Variants in UGT2A1 observed in about 807,000 individuals in gnomAD.
UGT2A1 encodes UDP glucuronosyltransferase family 2 member A1 complex locus, also known as UDP-glucuronosyltransferase 2A1.
Under a neutral mutation model 45.4 loss-of-function variants are expected in UGT2A1, and 61 were observed. The ratio of observed to expected loss-of-function variants is 1.34; its 90% CI spans 1.09 to 1.66. The LOEUF (loss-of-function observed/expected upper bound fraction) is 1.66, where lower values mean the gene tolerates loss of function less well. UGT2A1 is among the 40% of genes most tolerant of loss of function. The pLI, the probability that UGT2A1 is intolerant of heterozygous loss-of-function variation, is 0.00. For missense variants in UGT2A1, 649 were observed against 574.3 expected (o/e 1.13, Z -1.33); for synonymous variants, 229 against 196.2 (o/e 1.17, Z -1.40).
rs1297303633 is a variant in UGT2A1 at position 69,641,696 on chromosome 4, T to C, written c.715+5234A>G. Among the ~76,000 whole-genome samples, 3 of 151,754 alleles carry C rather than the reference T, an allele frequency of 2.0e-5. No individual in the cohort carries two copies. In the East Asian group the frequency reaches 5.8e-4, roughly 29 times the overall value. On this transcript the variant is annotated intron_variant, in intron 2 of 6. Coordinates refer to ENST00000286604, the MANE Select transcript of UGT2A1 (RefSeq NM_001252275.3). ...TAGCACTTTGCTTTTTACCTCAGAG[T>C]GGAGTCTGATATTAAATGATTCACC...
At chr4:69,611,866 C>T (rs1212782830) in intron 3 of UGT2A1, among the ~76,000 whole-genome samples, 1 of 152,032 alleles carries the variant, frequency 6.6e-6, no homozygotes, top group Non-Finnish European at 1.5e-5. Flanking sequence ...CCTAGTTTCC[C>T]TCATTACACA....
chr4:69,628,989 G>A (rs933539936), intron 3 of UGT2A1, among the ~76,000 whole-genome samples: 1 of 151,646 alleles, frequency 6.6e-6, no homozygotes, highest in Admixed American at 6.6e-5. Flanking sequence ...AAAGAGAAAG[G>A]GAGCCAGGTG....
chr4:69,622,045 T>C lies in UGT2A1; in HGVS notation c.847+13646A>G, dbSNP rs185961933. On this transcript the variant is annotated intron_variant, in intron 3 of 6. Transcript: ENST00000286604. ...GAAGGAGGAAGAGGAAGAGAAAATA[T>C]AACTATTGAGTACTAGGCTTAATAC... Among the ~76,000 whole-genome samples, 290 of 151,856 alleles carry C rather than the reference T, an allele frequency of 1.9e-3. 2 individuals carry two copies. Among genetic ancestry groups the C allele is most frequent in the Middle Eastern group, 6.8e-3 (2 of 292 alleles).
intron 1 of UGT2A1, among the ~76,000 whole-genome samples, chr4:69,651,370 TA>T (rs1722517527): frequency 6.6e-6 from 1 of 152,100 alleles, no homozygotes; most frequent in Non-Finnish European, 1.5e-5. Flanking sequence ...AAATATGTCA[TA>T]AATATATACC....
intron 6 of UGT2A1, among the ~76,000 whole-genome samples, chr4:69,593,769 T>C (rs1718722840): frequency 6.6e-6 from 1 of 151,860 alleles, no homozygotes; most frequent in South Asian, 2.1e-4. Context: ...GAATGGTATA[T>C]ACTCAGTGTG....
At chr4:69,624,924 A>T (rs1720956606) in intron 3 of UGT2A1, among the ~76,000 whole-genome samples, 3 of 151,230 alleles carry the variant, frequency 2.0e-5, no homozygotes, top group Admixed American at 2.0e-4. Flanking sequence ...TTTACTAGAG[A>T]TCATTTTTCT....
At chr4:69,623,400 A>G (rs545738325) in intron 3 of UGT2A1, among the ~76,000 whole-genome samples, 2 of 151,912 alleles carry the variant, frequency 1.3e-5, no homozygotes, top group South Asian at 4.2e-4. Flanking sequence ...GTAACACCAC[A>G]AAGGCAGTGG....
In UGT2A1 at chr4:69,647,362, G is replaced by C; in HGVS notation, c.283C>G (p.Leu95Val). ...GTTGAAGGAGATGGTCTATTTTCCA[G>C]CCATGTCAAAACGAAGTCCTTAATT... is the stretch of plus-strand genomic sequence containing the variant. ...GVIKDFVLTW[L>V]ENRPSPSTIW... Residue 95 changes from leucine (L) to valine (V), a missense_variant, in exon 2 of 7, where the codon CTG becomes GTG. Leu to Val is a conservative substitution (Grantham distance 32). Transcript: ENST00000286604. The C allele has an allele frequency of 1.9e-6, 3 of 1,613,244 alleles. No individual in the cohort carries two copies. The highest frequency in any genetic ancestry group is 2.5e-6 in the Non-Finnish European group (3 of 1,179,502).
rs765505129 is a variant in UGT2A1 at position 69,647,454 on chromosome 4, G to A, written c.191C>T (p.Thr64Ile). Reference sequence around the variant, plus strand: ...TTCAAATGTCAGAGATGGGTTAGAGGTTGGTGTGATGAAAAGTGCACCAGA... The same window carrying A: ...TTCAAATGTCAGAGATGGGTTAGAGATTGGTGTGATGAAAAGTGCACCAGA... ...VASGALFITP[T>I]SNPSLTFEIY... Residue 64 changes from threonine (T) to isoleucine (I), a missense_variant, in exon 2 of 7, where the codon ACC (threonine) becomes ATC (isoleucine). By Grantham distance (89) the Thr-to-Ile change is moderately conservative (BLOSUM62 -1). Coordinates refer to ENST00000286604, the MANE Select transcript of UGT2A1 (RefSeq NM_001252275.3). The A allele has an allele frequency of 6.8e-6, 11 of 1,613,080 alleles. No individual in the cohort carries two copies. In the Admixed American group the frequency reaches 1.7e-4, roughly 24 times the overall value.
chr4:69,638,218 A>G (rs1721827598), intron 2 of UGT2A1, among the ~76,000 whole-genome samples: 1 of 152,166 alleles, frequency 6.6e-6, no homozygotes, highest in African/African-American at 2.4e-5. Flanking sequence ...AATCATCAAG[A>G]GAGAAGGAAA....
intron 4 of UGT2A1, among the ~76,000 whole-genome samples, chr4:69,598,075 A>G (rs577959916): frequency 6.6e-6 from 1 of 152,288 alleles, no homozygotes. Context: ...ACCTATGGAT[A>G]CGTCATGAAT....
intron 1 of UGT2A1, 70 bp downstream of exon 1, chr4:69,653,118 A>G (rs1261085339): frequency 6.6e-6 from 1 of 152,248 alleles, no homozygotes; most frequent in Non-Finnish European, 1.5e-5. Context: ...TATTTCTTTA[A>G]GAAGAGAATG....
chr4:69,609,685 C>CACCTAT lies in UGT2A1; in HGVS notation c.848-10297_848-10292dup, dbSNP rs61115115. On this transcript the variant is annotated intron_variant, in intron 3 of 6. Coordinates refer to ENST00000286604, the MANE Select transcript of UGT2A1 (RefSeq NM_001252275.3). The stretch of plus-strand genomic sequence containing the variant: ...ATACATATTTCTATACCTATACCCA[C>CACCTAT]ACCTATACCTATACCTATACCTATA... 1.9e-4 allele frequency among the ~76,000 whole-genome samples: 29 copies of CACCTAT among 151,568 alleles called. No individual in the cohort carries two copies. The Middle Eastern group carries it at 0.014, about 72-fold the overall frequency.
intron 3 of UGT2A1, among the ~76,000 whole-genome samples, chr4:69,622,415 G>A (rs1373758928): frequency 6.6e-6 from 1 of 151,548 alleles, no homozygotes; most frequent in African/African-American, 2.4e-5. Flanking sequence ...TTAATTATCT[G>A]AAACAATTCT....
chr4:69,611,141 T>G (rs1720015801), intron 3 of UGT2A1, among the ~76,000 whole-genome samples: 1 of 151,668 alleles, frequency 6.6e-6, no homozygotes, highest in African/African-American at 2.4e-5. Flanking sequence ...GTTTTTTGGG[T>G]TTTTGTTTTT....
intron 3 of UGT2A1, among the ~76,000 whole-genome samples, chr4:69,615,969 C>T (rs567806958): frequency 6.6e-6 from 1 of 152,120 alleles, no homozygotes; most frequent in African/African-American, 2.4e-5. Context: ...ATGTTTATTG[C>T]AGTACTGTTC....
intron 3 of UGT2A1, among the ~76,000 whole-genome samples, chr4:69,610,963 G>A (rs1720000418): frequency 6.6e-6 from 1 of 152,012 alleles, no homozygotes; most frequent in African/African-American, 2.4e-5. Flanking sequence ...ATTTCCTTAT[G>A]ATTCTTAAAG....
At chr4:69,627,368 C>T (rs1337533719) in intron 3 of UGT2A1, among the ~76,000 whole-genome samples, 1 of 151,720 alleles carries the variant, frequency 6.6e-6, no homozygotes, top group Non-Finnish European at 1.5e-5. Context: ...ATATCACATA[C>T]TACATTACTA....
chr4:69,625,236 C>G (rs28689093), intron 3 of UGT2A1, among the ~76,000 whole-genome samples: 52,801 of 149,758 alleles, frequency 0.35, 9,646 homozygotes, highest in African/African-American at 0.43. Context: ...TTTTATTACT[C>G]TTCAATATAT....
Sources: gnomAD v4.1 joint callset for allele counts (sites outside exome capture counted in the v4.1 genomes callset) on GRCh38, gnomAD v4.1.1 for gene constraint, MANE v1.5 for transcripts, NCBI Gene and HGNC (gene_info 2026-07-23, HGNC 2026-07-21) for gene names.